The following SLC24A2 variants were observed in gnomAD, a reference collection of about 807,000 sequenced individuals.
The protein encoded by SLC24A2 is sodium/potassium/calcium exchanger 2.
A neutral mutation model predicts 62.0 loss-of-function variants in SLC24A2; 36 were observed. That is an observed-to-expected ratio of 0.58 (90% CI 0.44 to 0.77). SLC24A2 has a LOEUF of 0.77. Among genes scored for constraint, SLC24A2 ranks in the 30% least tolerant of loss-of-function variants. The pLI, the probability that SLC24A2 is intolerant of heterozygous loss-of-function variation, is 0.00. For missense variants in SLC24A2, 846 were observed against 817.9 expected (o/e 1.03, Z -0.42); for synonymous variants, 358 against 294.0 (o/e 1.22, Z -2.23).
intron 8 of SLC24A2, among the ~76,000 whole-genome samples, chr9:19,546,395 G>T (rs1347388646): frequency 2.6e-5 from 4 of 152,142 alleles, no homozygotes; most frequent in African/African-American, 7.2e-5. Context: ...CAGAGAGGAG[G>T]AATCTATAGA....
chr9:20,044,981 C>A, the SLC24A2 span, among the ~76,000 whole-genome samples: 1 of 152,126 alleles, frequency 6.6e-6, no homozygotes, highest in Non-Finnish European at 1.5e-5. Flanking sequence ...CATTTGAGAG[C>A]AGGAACCATC....
At chr9:19,572,971 C>T (rs565527593) in intron 7 of SLC24A2, among the ~76,000 whole-genome samples, 2 of 152,290 alleles carry the variant, frequency 1.3e-5, no homozygotes, top group East Asian at 3.9e-4. Flanking sequence ...CTTTATCATA[C>T]ATTAAAAATC....
intron 4 of SLC24A2, among the ~76,000 whole-genome samples, chr9:19,603,803 C>T (rs1836910953): frequency 6.6e-6 from 1 of 152,198 alleles, no homozygotes; most frequent in Non-Finnish European, 1.5e-5. Flanking sequence ...CAATCCTGCA[C>T]ATACTGTGAT....
rs1468891211 is a variant in SLC24A2 at position 19,513,757 on chromosome 9, C to T, written c.*2396G>A. 1 of 152,166 alleles carries T rather than the reference C, an allele frequency of 6.6e-6. No individual in the cohort carries two copies. The highest frequency in any genetic ancestry group is 2.4e-5 in the African/African-American group (1 of 41,456). 9.4% of individuals were successfully genotyped at this position (152,166 alleles called of 1,614,324 possible). A position where few individuals can be genotyped will look rare whatever the true frequency, so the allele number is the denominator to read the frequency against. ...TATTTAAACCTTATTTCAAACAACG[C>T]ACCAGTCAATAATATAAAATTCACA... On this transcript the variant is annotated 3_prime_UTR_variant, in exon 11 of 11. Coordinates refer to ENST00000341998, the MANE Select transcript of SLC24A2 (RefSeq NM_020344.4).
rs573589953 is a variant in SLC24A2 at position 19,539,183 on chromosome 9, G to GT, written c.1479+10953dup. 9.9e-3 allele frequency among the ~76,000 whole-genome samples: 688 copies of GT among 69,668 alleles called. 68 individuals are homozygous for GT. In the East Asian group the frequency reaches 0.24, roughly 24 times the overall value. The allele number at this position is 69,668 out of a possible 152,430, so 45.7% of individuals were successfully genotyped here. The stretch of plus-strand genomic sequence containing the variant: ...CCTGGATTCATTGATTTTTTGAAGG[G>GT]TTTTTTGTGTCTCTATTTCCTTCAG... On this transcript the variant is annotated intron_variant, in intron 8 of 10. Transcript: ENST00000341998.
the SLC24A2 span, among the ~76,000 whole-genome samples, chr9:20,171,935 C>T: frequency 1.1e-4 from 17 of 152,102 alleles, no homozygotes; most frequent in Admixed American, 9.2e-4. Context: ...GTGCATGGAA[C>T]TTCCTCCAAG....
the SLC24A2 span, among the ~76,000 whole-genome samples, chr9:19,915,980 C>T: frequency 6.6e-6 from 1 of 151,800 alleles, no homozygotes; most frequent in East Asian, 1.9e-4. Context: ...GTTGCCTAAC[C>T]AAAGGTCATA....
intron 2 of SLC24A2, among the ~76,000 whole-genome samples, chr9:19,708,102 A>G (rs868242662): frequency 1.3e-5 from 2 of 152,306 alleles, no homozygotes; most frequent in South Asian, 4.1e-4. Flanking sequence ...GCATTCTTAT[A>G]TACCAATAAC....
intron 2 of SLC24A2, among the ~76,000 whole-genome samples, chr9:19,723,686 T>C (rs1178164995): frequency 1.3e-5 from 2 of 152,160 alleles, no homozygotes; most frequent in African/African-American, 2.4e-5. Flanking sequence ...ACTGTCTTAT[T>C]CATAGAATTC....
At chr9:20,084,468 T>TTTCC in the SLC24A2 span, among the ~76,000 whole-genome samples, 2 of 151,520 alleles carry the variant, frequency 1.3e-5, no homozygotes, top group East Asian at 2.0e-4. Context: ...TCCTTCCTTC[T>TTTCC]TTTCCTTTCC....
intron 2 of SLC24A2, among the ~76,000 whole-genome samples, chr9:19,781,688 T>G (rs1294857220): frequency 6.6e-6 from 1 of 152,202 alleles, no homozygotes; most frequent in East Asian, 1.9e-4. Context: ...AATGCCTAAG[T>G]TTTTTTCTTT....
At position 19,521,041 on chromosome 9, in the gene SLC24A2, A is replaced by G; in HGVS notation, c.1589T>C (p.Ile530Thr). ...GGTCAGGCCCATAATCTCTTCACTG[A>G]TGCCAATTGTCTCTCCAACCTAAAT... Reference protein sequence around the residue: ...WAHQVGETIGISEEIMGLTIL... With the variant: ...WAHQVGETIGTSEEIMGLTIL... The change falls in exon 10 of 11, where the codon ATC (isoleucine) becomes ACC (threonine). Residue 530 changes from isoleucine (I) to threonine (T), a missense_variant. Ile to Thr is a moderately conservative substitution (Grantham distance 89). Transcript: ENST00000341998. 6.2e-7 allele frequency: 1 copy of G among 1,614,122 alleles called. No homozygotes were observed. The highest frequency in any genetic ancestry group is 8.5e-7 in the Non-Finnish European group (1 of 1,179,972).
the SLC24A2 span, among the ~76,000 whole-genome samples, chr9:20,233,217 A>G: frequency 3.3e-5 from 5 of 152,242 alleles, no homozygotes; most frequent in East Asian, 7.7e-4. Context: ...TTTGGAGTGG[A>G]GAATTCTGTA....
intron 2 of SLC24A2, among the ~76,000 whole-genome samples, chr9:19,624,947 A>G (rs1257012108): frequency 1.3e-5 from 2 of 152,180 alleles, no homozygotes; most frequent in African/African-American, 4.8e-5. Flanking sequence ...TACAAATTCA[A>G]TTTTAAAGGG....
At chr9:20,050,639 T>C in the SLC24A2 span, among the ~76,000 whole-genome samples, 102 of 152,336 alleles carry the variant, frequency 6.7e-4, 1 homozygote, top group East Asian at 0.018. Context: ...TTCAAGGTTA[T>C]AAAGATGTAT....
chr9:20,295,200 A>C, the SLC24A2 span, among the ~76,000 whole-genome samples: 1 of 152,092 alleles, frequency 6.6e-6, no homozygotes, highest in African/African-American at 2.4e-5. Flanking sequence ...TAAAATCCCT[A>C]ATCTCTAAAA....
the SLC24A2 span, among the ~76,000 whole-genome samples, chr9:20,099,051 G>C: frequency 6.6e-6 from 1 of 152,134 alleles, no homozygotes; most frequent in African/African-American, 2.4e-5. Flanking sequence ...ACTGCCAACA[G>C]AACAAAAAGA....
the SLC24A2 span, among the ~76,000 whole-genome samples, chr9:20,278,818 C>T: frequency 6.6e-5 from 10 of 152,314 alleles, no homozygotes; most frequent in Non-Finnish European, 1.3e-4. Context: ...ATCTTTACAA[C>T]AGTACCCAAC....
chr9:19,958,541 G>A, the SLC24A2 span, among the ~76,000 whole-genome samples: 2 of 152,070 alleles, frequency 1.3e-5, no homozygotes, highest in Admixed American at 6.6e-5. Flanking sequence ...GGTGCAGATC[G>A]GCGAGCACGT....
Sources: gnomAD v4.1 joint callset for allele counts (sites outside exome capture counted in the v4.1 genomes callset) on GRCh38, gnomAD v4.1.1 for gene constraint, MANE v1.5 for transcripts, NCBI Gene and HGNC (gene_info 2026-07-23, HGNC 2026-07-21) for gene names.